The following GADL1 variants were observed in gnomAD, a reference collection of about 807,000 sequenced individuals.
GADL1 encodes the protein GAD like acidic amino acid decarboxylase 1, also known as acidic amino acid decarboxylase GADL1.
In GADL1, 71 loss-of-function variants were observed where a neutral mutation model predicts 69.5. The observed-to-expected ratio is 1.02, with a 90% CI of 0.84 to 1.25. The LOEUF (loss-of-function observed/expected upper bound fraction) is 1.25, where lower values mean the gene tolerates loss of function less well. Ranked by LOEUF, GADL1 falls within the 50% of genes most tolerant of loss-of-function variation. The pLI, the probability that GADL1 is intolerant of heterozygous loss-of-function variation, is 0.00. For missense variants in GADL1, 737 were observed against 631.8 expected (o/e 1.17, Z -1.79); for synonymous variants, 254 against 214.4 (o/e 1.18, Z -1.62).
chr3:30,857,378 T>G (rs1575237002), intron 2 of GADL1, among the ~76,000 whole-genome samples: 1 of 151,998 alleles, frequency 6.6e-6, no homozygotes, highest in South Asian at 2.1e-4. Context: ...GATATCTAAG[T>G]TGTTACATAG....
intron 1 of GADL1, among the ~76,000 whole-genome samples, chr3:30,867,423 C>CAT (rs148660336): frequency 0.022 from 2,551 of 115,018 alleles, 51 homozygotes; most frequent in African/African-American, 0.041. Flanking sequence ...TACAATACTA[C>CAT]ATATATATAT....
intron 11 of GADL1, among the ~76,000 whole-genome samples, chr3:30,830,491 C>T (rs887511912): frequency 1.3e-5 from 2 of 151,890 alleles, no homozygotes; most frequent in African/African-American, 4.8e-5. Context: ...TCTTCCCTGT[C>T]TGGTTAGCAT....
Position 30,894,648 on chromosome 3 carries a change from G to A in GADL1, c.-34C>T, listed in dbSNP as rs147342984. On this transcript the variant is annotated 5_prime_UTR_variant, in exon 1 of 15. Coordinates refer to ENST00000282538, the MANE Select transcript of GADL1 (RefSeq NM_207359.3). ...CCCCACTCCAGGCTGCCCCGGGCGC[G>A]GCTCCCGCAGTCTGGGCGGCGACGG... 5.7e-4 allele frequency: 878 copies of A among 1,546,582 alleles called. 5 individuals are homozygous for A. In the African/African-American group the frequency reaches 0.011, roughly 19 times the overall value.
At chr3:30,894,346 G>A (rs999543720) in intron 1 of GADL1, among the ~76,000 whole-genome samples, 4 of 152,216 alleles carry the variant, frequency 2.6e-5, no homozygotes, top group African/African-American at 9.6e-5. Context: ...CGCCCGTTAT[G>A]TCTTAGGCGC....
chr3:30,772,863 G>C (rs1215576978), intron 14 of GADL1, among the ~76,000 whole-genome samples: 3 of 152,162 alleles, frequency 2.0e-5, no homozygotes, highest in African/African-American at 7.2e-5. Flanking sequence ...GTGACAGAGT[G>C]AGACTCTGTC....
chr3:30,834,387 G>T, intron 9 of GADL1, 106 bp from the exon 10 acceptor site: 1 of 869,032 alleles, frequency 1.2e-6, no homozygotes, highest in Non-Finnish European at 1.9e-6. Flanking sequence ...TGCATTATTT[G>T]ATATTTTATG....
chr3:30,754,493 A>C (rs1028537816), intron 14 of GADL1, among the ~76,000 whole-genome samples: 6 of 131,032 alleles, frequency 4.6e-5, no homozygotes, highest in Non-Finnish European at 9.1e-5. Context: ...AATCTTCAGG[A>C]GTTCTGGGAG....
intron 11 of GADL1, among the ~76,000 whole-genome samples, chr3:30,828,517 C>T (rs1301942947): frequency 6.6e-6 from 1 of 151,494 alleles, no homozygotes; most frequent in Non-Finnish European, 1.5e-5. Context: ...TCCAAGCCTC[C>T]TCTAGAATGA....
At chr3:30,825,016 A>G (rs1399953981) in intron 11 of GADL1, among the ~76,000 whole-genome samples, 3 of 151,964 alleles carry the variant, frequency 2.0e-5, no homozygotes, top group Non-Finnish European at 4.4e-5. Flanking sequence ...CAGGGAGGAC[A>G]TTGAGTTCCT....
chr3:30,775,183 C>G (rs1188720430), intron 14 of GADL1, among the ~76,000 whole-genome samples: 8 of 152,134 alleles, frequency 5.3e-5, no homozygotes, highest in African/African-American at 1.4e-4. Context: ...CATACATATG[C>G]GCTCATACCC....
At chr3:30,794,276 C>T (rs1336693255) in intron 12 of GADL1, among the ~76,000 whole-genome samples, 1 of 133,208 alleles carries the variant, frequency 7.5e-6, no homozygotes. Context: ...AACAAAGTAG[C>T]AGAGTGGGAG....
At position 30,739,458 on chromosome 3, in the gene GADL1, A is replaced by G. The variant is rs550367209; in HGVS notation, c.1393-11043T>C. Among the ~76,000 whole-genome samples the G allele has an allele frequency of 1.2e-4, 19 of 152,252 alleles. No individual in the cohort carries two copies. The South Asian group carries it at 3.3e-3, about 27-fold the overall frequency. ...CACTGATTATTTGCTTCAGGAGTAA[A>G]CTGAAGTCTAAGTTGTCTTTTTGAC... is the stretch of plus-strand genomic sequence containing the variant. On this transcript the variant is annotated intron_variant, in intron 14 of 14. Coordinates refer to ENST00000282538, the MANE Select transcript of GADL1 (RefSeq NM_207359.3).
intron 12 of GADL1, among the ~76,000 whole-genome samples, chr3:30,796,336 C>CT (rs1460347536): frequency 6.6e-6 from 1 of 152,080 alleles, no homozygotes; most frequent in East Asian, 1.9e-4. Flanking sequence ...ACTGGGTTAT[C>CT]TCCCCACTTC....
chr3:30,820,346 C>T (rs937784026), intron 11 of GADL1, among the ~76,000 whole-genome samples: 3 of 151,894 alleles, frequency 2.0e-5, no homozygotes, highest in African/African-American at 7.2e-5. Flanking sequence ...GTTTACCGAA[C>T]ATATTTTTGA....
rs1241140192 is a variant in GADL1 at position 30,852,149 on chromosome 3, CCTA to C, written c.429-1211_429-1209del. ...TGGATTGAGGCATAAAAGCTGGTCACCTACTATGTATCACCTACTATTTATCAC... is the reference window on the plus strand; with the variant it reads ...TGGATTGAGGCATAAAAGCTGGTCACCTATGTATCACCTACTATTTATCAC... On this transcript the variant is annotated intron_variant, in intron 4 of 14. Coordinates refer to ENST00000282538, the MANE Select transcript of GADL1 (RefSeq NM_207359.3). Among the ~76,000 whole-genome samples the C allele has an allele frequency of 4.6e-5, 7 of 152,124 alleles. No homozygotes were observed. The East Asian group carries it at 1.2e-3, about 25-fold the overall frequency.
chr3:30,873,544 T>C (rs1698525312), intron 1 of GADL1, among the ~76,000 whole-genome samples: 1 of 151,780 alleles, frequency 6.6e-6, no homozygotes, highest in African/African-American at 2.4e-5. Flanking sequence ...CACACTAAAC[T>C]ATTTGGATAC....
intron 1 of GADL1, among the ~76,000 whole-genome samples, chr3:30,891,000 A>G (rs1440697558): frequency 2.0e-5 from 3 of 151,848 alleles, no homozygotes; most frequent in Non-Finnish European, 4.4e-5. Context: ...CCCAATCTGA[A>G]CAGGCTGTCG....
chr3:30,771,484 G>A (rs915992045), intron 14 of GADL1, among the ~76,000 whole-genome samples: 1 of 152,198 alleles, frequency 6.6e-6, no homozygotes, highest in East Asian at 1.9e-4. Context: ...CACTATCCAA[G>A]TAAGGGGAGC....
chr3:30,853,972 C>T (rs1286938522), intron 4 of GADL1, among the ~76,000 whole-genome samples: 1 of 152,048 alleles, frequency 6.6e-6, no homozygotes, highest in Non-Finnish European at 1.5e-5. Flanking sequence ...AACATGGTCA[C>T]CTGGGCCCTA....
Sources: allele counts gnomAD v4.1 joint callset (sites outside exome capture counted in the v4.1 genomes callset), GRCh38; gene constraint gnomAD v4.1.1; transcripts MANE v1.5; gene names NCBI Gene and HGNC (gene_info 2026-07-23, HGNC 2026-07-21).